Variants in NUMB observed in about 807,000 individuals in gnomAD.
NUMB encodes the protein protein numb homolog.
Under a neutral mutation model 59.7 loss-of-function variants are expected in NUMB, and 29 were observed. The ratio of observed to expected loss-of-function variants is 0.49; its 90% confidence interval spans 0.36 to 0.66. The LOEUF is 0.66. Ranked by LOEUF, NUMB falls within the 30% of genes least tolerant of loss-of-function variation. The probability of loss-of-function intolerance (pLI) is 0.00; values close to 1 mark genes in which losing one functional copy is unlikely to be tolerated. For missense variants in NUMB, 723 were observed against 822.0 expected, an observed-to-expected ratio of 0.88 and a Z score of 1.47; for synonymous variants, 288 against 288.2, an observed-to-expected ratio of 1.00 and a Z score of 0.01.
intron 11 of NUMB, among the ~76,000 whole-genome samples, chr14:73,280,726 T>G (rs977683901): frequency 7.3e-6 from 1 of 137,014 alleles, no homozygotes; most frequent in South Asian, 2.4e-4. Flanking sequence ...GGGGTCTCGC[T>G]CTTGTCACCC....
chr14:73,319,766 T>G (rs181821941), intron 5 of NUMB, among the ~76,000 whole-genome samples: 1 of 152,290 alleles, frequency 6.6e-6, no homozygotes, highest in African/African-American at 2.4e-5. Context: ...CACTATGATA[T>G]GAGAAGAACA....
At chr14:73,336,455 AAACT>A (rs1329841012) in intron 4 of NUMB, among the ~76,000 whole-genome samples, 1 of 152,202 alleles carries the variant, frequency 6.6e-6, no homozygotes, top group Admixed American at 6.6e-5. Context: ...CAAGCCTCTA[AAACT>A]AACTACCCAT....
In NUMB at chr14:73,277,013, AGGGACAAAGGCTGGTTGCAGGGCT is replaced by A; in HGVS notation, c.1497_1520del (p.Leu501_Ala508del). 3 of 1,614,162 alleles carry A rather than the reference AGGGACAAAGGCTGGTTGCAGGGCT, an allele frequency of 1.9e-6. No individual in the cohort carries two copies. The highest frequency in any genetic ancestry group is 1.1e-5 in the South Asian group (1 of 91,088). ...CATTGGCCACAGGATAGGACTGGGC[AGGGACAAAGGCTGGTTGCAGGGCT>A]GGGACCACACCCACTGGCACAGGCT... On this transcript the variant is annotated inframe_deletion, in exon 13 of 13. Coordinates refer to ENST00000555238, the MANE Select transcript of NUMB (RefSeq NM_001005743.2).
rs150440627 is a variant in NUMB, at chr14:73,419,530, G to A, written c.-232-9462C>T. Among the ~76,000 whole-genome samples, 87 of 151,938 alleles carry A rather than the reference G, an allele frequency of 5.7e-4. 1 individual carries two copies. The East Asian group carries it at 6.2e-3, about 11-fold the overall frequency. On this transcript the variant is annotated intron_variant, in intron 1 of 12. Transcript: ENST00000555238. ...TCACAAAATAAATAAATAAATAAAT[G>A]AATAAATAAGGAAAACCTCAAGAGA...
Position 73,276,667 on chromosome 14 carries a change from A to G in NUMB, c.1867T>C (p.Leu623=). 1 of 1,614,192 alleles carries G rather than the reference A, an allele frequency of 6.2e-7. No homozygotes were observed. The highest frequency in any genetic ancestry group is 2.2e-5 in the East Asian group (1 of 44,882). The change falls in exon 13 of 13, where the codon TTA becomes CTA. Residue 623 remains leucine, a synonymous_variant. Transcript: ENST00000555238. The stretch of plus-strand genomic sequence containing the variant: ...GTACGCTGCTTGGACTTATTTTCTA[A>G]TGCAGCCCACTGGGCTTCAAAAGGA... ...VDPFEAQWAA[L]ENKSKQRTNP...
intron 2 of NUMB, among the ~76,000 whole-genome samples, chr14:73,392,382 G>T (rs1895897426): frequency 6.6e-6 from 1 of 152,216 alleles, no homozygotes; most frequent in African/African-American, 2.4e-5. Context: ...TGAAAAAGTT[G>T]AATGCAAAGG....
At chr14:73,385,308 C>CT (rs1174960370) in intron 2 of NUMB, among the ~76,000 whole-genome samples, 2,993 of 112,244 alleles carry the variant, frequency 0.027, 142 homozygotes, top group South Asian at 0.1. Flanking sequence ...CCAGTTAATT[C>CT]TTTTTTTTTT....
chr14:73,437,796 G>T (rs1373864061), intron 1 of NUMB, among the ~76,000 whole-genome samples: 2 of 152,150 alleles, frequency 1.3e-5, no homozygotes, highest in East Asian at 3.8e-4. Context: ...ACTTTCTACA[G>T]ATCATTTGTA....
At chr14:73,277,427 G>T in intron 12 of NUMB, 134 bp from the exon 13 acceptor site, 1 of 719,742 alleles carries the variant, frequency 1.4e-6, no homozygotes, top group South Asian at 2.0e-5. Context: ...GTTTTGATAG[G>T]TAGGAGTAAA....
chr14:73,359,961 C>T (rs1156923445), intron 3 of NUMB, among the ~76,000 whole-genome samples: 2 of 152,178 alleles, frequency 1.3e-5, no homozygotes, highest in Non-Finnish European at 2.9e-5. Flanking sequence ...CTCCACCACC[C>T]ATAGTCCAAG....
chr14:73,432,942 C>T (rs547123275), intron 1 of NUMB, among the ~76,000 whole-genome samples: 13 of 152,298 alleles, frequency 8.5e-5, no homozygotes, highest in African/African-American at 1.2e-4. Flanking sequence ...TGGTGGTTCA[C>T]GCCTGTAATC....
chr14:73,380,989 C>A (rs1054109054), intron 2 of NUMB, among the ~76,000 whole-genome samples: 15 of 152,154 alleles, frequency 9.9e-5, no homozygotes, highest in Admixed American at 9.8e-4. Context: ...TCCCAAAGTG[C>A]TGGGATTACA....
intron 2 of NUMB, among the ~76,000 whole-genome samples, chr14:73,367,342 T>TAGAGAGAGAG (rs1350365792): frequency 1.0e-4 from 8 of 78,596 alleles, no homozygotes; most frequent in African/African-American, 1.9e-4. Flanking sequence ...TATATATATA[T>TAGAGAGAGAG]ATATATAGAG....
intron 1 of NUMB, among the ~76,000 whole-genome samples, chr14:73,426,088 A>G (rs7160370): frequency 0.77 from 117,588 of 152,024 alleles, 45,948 homozygotes; most frequent in African/African-American, 0.88. Flanking sequence ...GGGATTACAG[A>G]CATGAGCCAC....
At chr14:73,287,040 G>T in intron 9 of NUMB, 70 bp downstream of exon 9, 1 of 1,428,010 alleles carries the variant, frequency 7.0e-7, no homozygotes, top group Non-Finnish European at 9.9e-7. Context: ...TTTACCCCTG[G>T]TAGCTTCAAA....
intron 5 of NUMB, among the ~76,000 whole-genome samples, chr14:73,319,541 C>T (rs1891282258): frequency 6.6e-6 from 1 of 152,086 alleles, no homozygotes. Flanking sequence ...TTATTTGAAA[C>T]TCTAAAAGGA....
chr14:73,277,598 T>C (rs867705356), intron 12 of NUMB, among the ~76,000 whole-genome samples: 58 of 152,190 alleles, frequency 3.8e-4, no homozygotes, highest in African/African-American at 1.3e-3. Flanking sequence ...CTATGGCTCA[T>C]CCACAATACA....
chr14:73,357,057 T>G (rs148370268), intron 3 of NUMB: 6 of 943,486 alleles, frequency 6.4e-6, no homozygotes, highest in Non-Finnish European at 7.6e-6. Flanking sequence ...ATAATCATTA[T>G]AGTAACATAA....
intron 1 of NUMB, among the ~76,000 whole-genome samples, chr14:73,416,987 G>A (rs1897153041): frequency 6.6e-6 from 1 of 151,680 alleles, no homozygotes; most frequent in Non-Finnish European, 1.5e-5. Context: ...GCAGCAGAAT[G>A]GCATGGCAGA....
Sources: allele counts gnomAD v4.1 joint callset (sites outside exome capture counted in the v4.1 genomes callset), GRCh38; gene constraint gnomAD v4.1.1; transcripts MANE v1.5; gene names NCBI Gene and HGNC (gene_info 2026-07-23, HGNC 2026-07-21).